KRT3: variants seen among roughly 807,000 people sequenced by gnomAD.
The protein encoded by KRT3 is keratin 3.
A neutral mutation model predicts 45.8 loss-of-function variants in KRT3; 34 were observed. The observed-to-expected ratio is 0.74, with a 90% CI of 0.57 to 0.99. The LOEUF is 0.99. KRT3 is among the 50% of genes least tolerant of loss of function. The probability of loss-of-function intolerance (pLI) is 0.00; values close to 1 mark genes in which losing one functional copy is unlikely to be tolerated. For synonymous variants in KRT3, 367 were observed against 329.0 expected (o/e 1.12, Z -1.25); for missense variants, 828 against 820.6 (o/e 1.01, Z -0.11).
At chr12:52,792,004 AT>A (rs1939521857) in intron 5 of KRT3, among the ~76,000 whole-genome samples, 188 bp from the exon 6 acceptor site, 1 of 152,136 alleles carries the variant, frequency 6.6e-6, no homozygotes, top group Non-Finnish European at 1.5e-5. Context: ...GTGGTAGAAG[AT>A]TTTCCTACCC....
rs375181234 is a variant in KRT3, at chr12:52,791,226, C to A, written c.1515G>T (p.Leu505=). ...LDVEIATYRK[L]LEGEEYRMSG... is the part of the protein sequence containing the mutation. ...CTCACCTGTACTCCTCGCCCTCCAGCAGCTTGCGGTAGGTGGCGATCTCCA... is the reference window on the plus strand; with the variant it reads ...CTCACCTGTACTCCTCGCCCTCCAGAAGCTTGCGGTAGGTGGCGATCTCCA... The change falls in exon 7 of 9, where the codon CTG becomes CTT. Residue 505 remains leucine, a synonymous_variant. Transcript: ENST00000417996. 1.2e-6 allele frequency: 2 copies of A among 1,614,230 alleles called. No individual in the cohort carries two copies. Among genetic ancestry groups the A allele is most frequent in the South Asian group, 1.1e-5 (1 of 91,086 alleles).
At chr12:52,793,295 C>T in intron 2 of KRT3, 72 bp from the exon 3 acceptor site, 2 of 1,059,738 alleles carry the variant, frequency 1.9e-6, no homozygotes, top group Non-Finnish European at 2.8e-6. Context: ...CCCTGGAACT[C>T]TGAAAGTTCA....
intron 7 of KRT3, 29 bp from the exon 8 acceptor site, chr12:52,790,901 C>G: frequency 1.3e-6 from 2 of 1,581,110 alleles, no homozygotes; most frequent in Non-Finnish European, 1.7e-6. Flanking sequence ...GAAAGTGGGC[C>G]CCGTCACAAA....
rs1415903372 is a variant in KRT3 at position 52,795,929 on chromosome 12, A to G, written c.114T>C (p.Ala38=). 1.2e-6 allele frequency: 2 copies of G among 1,613,988 alleles called. No individual in the cohort carries two copies. The highest frequency in any genetic ancestry group is 1.7e-6 in the Non-Finnish European group (2 of 1,180,008). Residue 38 remains alanine, a synonymous_variant, in exon 1 of 9, where the codon GCT becomes GCC. Transcript: ENST00000417996. ...TCCGGAAGCCATAGGCCCCTCCGCC[A>G]GCTCCCCCAGAGTGGGCCACACAGC... The part of the protein sequence containing the change: ...RMSCVAHSGG[A]GGGAYGFRSG...
intron 1 of KRT3, 83 bp from the exon 2 acceptor site, chr12:52,794,414 C>G (rs1266964677): frequency 7.2e-6 from 7 of 973,126 alleles, no homozygotes. Flanking sequence ...GACTAGGTGT[C>G]TATCTCCTGG....
rs1295013003 is a variant in KRT3, at chr12:52,794,114, T to C, written c.863A>G (p.Lys288Arg). Residue 288 changes from lysine (K) to arginine (R), a missense_variant, in exon 2 of 9, where the codon AAG (lysine) becomes AGG (arginine). Transcript: ENST00000417996. ...NMEDLVEDFK[K>R]KYEDEINKRT... is the part of the protein sequence containing the mutation. ...CCACTCCTGCCCTGTCACTCACTTC[T>C]TCTTGAAGTCTTCCACCAGGTCCTC... The C allele has an allele frequency of 6.8e-6, 11 of 1,613,204 alleles. No homozygotes were observed. The highest frequency in any genetic ancestry group is 9.3e-6 in the Non-Finnish European group (11 of 1,179,252).
In KRT3 at chr12:52,793,238, A is replaced by C; in HGVS notation, c.867-15T>G. ...CATCCTCATATCTGTGTGAATAAAAAAGAAACAGCTGAGTTTGGTTTTGAG... is the reference window on the plus strand; with the variant it reads ...CATCCTCATATCTGTGTGAATAAAACAGAAACAGCTGAGTTTGGTTTTGAG... On this transcript the variant is annotated splice_polypyrimidine_tract_variant and intron_variant, in intron 2 of 8. Coordinates refer to ENST00000417996, the MANE Select transcript of KRT3 (RefSeq NM_057088.3). 1.3e-6 allele frequency: 2 copies of C among 1,588,658 alleles called. No individual in the cohort carries two copies. The highest frequency in any genetic ancestry group is 1.7e-6 in the Non-Finnish European group (2 of 1,164,888).
At position 52,791,279 on chromosome 12, in the gene KRT3, G is replaced by T. The variant is rs1175563068; in HGVS notation, c.1462C>A (p.Leu488Met). 6.2e-7 allele frequency: 1 copy of T among 1,614,248 alleles called. No homozygotes were observed. Among genetic ancestry groups the T allele is most frequent in the Non-Finnish European group, 8.5e-7 (1 of 1,180,040 alleles). The change falls in exon 7 of 9, where the codon CTG becomes ATG. Residue 488 changes from leucine to methionine, a missense_variant. Physicochemically the swap from Leu to Met is conservative, Grantham distance 15. Coordinates refer to ENST00000417996, the MANE Select transcript of KRT3 (RefSeq NM_057088.3). ...TCCAGGGCCAGCTTGACATTCATCA[G>T]CTCCTGGTAGTCACGTAGCAGCCGC... Reference protein sequence around the residue: ...LARLLRDYQELMNVKLALDVE... With the variant: ...LARLLRDYQEMMNVKLALDVE...
Position 52,792,476 on chromosome 12 carries a change from G to C in KRT3, c.1024-73C>G. The C allele has an allele frequency of 3.5e-6, 5 of 1,437,508 alleles. No individual in the cohort carries two copies. The South Asian group carries it at 5.8e-5, about 17-fold the overall frequency. The allele number at this position is 1,437,508 out of a possible 1,614,324, so 89.0% of individuals were successfully genotyped here. A position where few individuals can be genotyped will look rare whatever the true frequency, so the allele number is the denominator to read the frequency against. On this transcript the variant is annotated intron_variant, in intron 4 of 8. Coordinates refer to ENST00000417996, the MANE Select transcript of KRT3 (RefSeq NM_057088.3). ...GCACACAGGGCCCTGAAAGACTCTTGATCAACAGTCTCATTCACTGATTCC... is the reference window on the plus strand; with the variant it reads ...GCACACAGGGCCCTGAAAGACTCTTCATCAACAGTCTCATTCACTGATTCC...
At chr12:52,790,578 G>T (rs1939468840) in intron 8 of KRT3, among the ~76,000 whole-genome samples, 1 of 152,200 alleles carries the variant, frequency 6.6e-6, no homozygotes, top group Admixed American at 6.5e-5. Context: ...CAGTCTTGAT[G>T]ACCCCCTTGG....
At position 52,789,723 on chromosome 12, in the gene KRT3, G is replaced by C; in HGVS notation, c.*319C>G. 1.9e-6 allele frequency: 1 copy of C among 525,114 alleles called. No homozygotes were observed. The allele number at this position is 525,114 out of a possible 1,614,324, so 32.5% of individuals were successfully genotyped here. On this transcript the variant is annotated 3_prime_UTR_variant, in exon 9 of 9. Coordinates refer to ENST00000417996, the MANE Select transcript of KRT3 (RefSeq NM_057088.3). ...ACTTTATTGGCGACAGACCGGAGGG[G>C]CGGAGGGGGCTGTGTGCTATATACA...
At chr12:52,793,406 G>A (rs764934809) in intron 2 of KRT3, among the ~76,000 whole-genome samples, 183 bp from the exon 3 acceptor site, 8 of 152,060 alleles carry the variant, frequency 5.3e-5, no homozygotes, top group African/African-American at 9.7e-5. Flanking sequence ...AATTTGCCCA[G>A]GCAAACTGTC....
intron 8 of KRT3, 76 bp from the exon 9 acceptor site, chr12:52,790,434 G>T: frequency 7.1e-7 from 1 of 1,398,824 alleles, no homozygotes; most frequent in Non-Finnish European, 9.6e-7. Context: ...ATGATCCACC[G>T]GGCCCACGAC....
intron 1 of KRT3, 142 bp downstream of exon 1, chr12:52,795,256 G>A (rs10876347): frequency 0.82 from 828,874 of 1,015,050 alleles, 340,391 homozygotes; most frequent in African/African-American, 0.94. Flanking sequence ...CTCAACCCTG[G>A]ATATCTTCCC....
Position 52,795,864 on chromosome 12 carries a change from A to G in KRT3, c.179T>C (p.Leu60Pro). Residue 60 changes from leucine (L) to proline (P), a missense_variant, in exon 1 of 9, where the codon CTG (leucine) becomes CCG (proline). Transcript: ENST00000417996. ...GGFGSRSLYN[L>P]GGNKSISISV... ...GATGGAGATGCTCTTGTTGCCGCCC[A>G]GGTTGTAGAGGCTGCGACTGCCAAA... 1 of 1,614,104 alleles carries G rather than the reference A, an allele frequency of 6.2e-7. No individual in the cohort carries two copies. Among genetic ancestry groups the G allele is most frequent in the Non-Finnish European group, 8.5e-7 (1 of 1,179,998 alleles).
chr12:52,792,443 T>A, intron 4 of KRT3, 40 bp from the exon 5 acceptor site: 1 of 1,600,378 alleles, frequency 6.2e-7, no homozygotes, highest in South Asian at 1.1e-5. Context: ...TTGGGGTCCC[T>A]GTAACAAGCA....
Position 52,794,206 on chromosome 12 carries a change from G to C in KRT3, c.771C>G (p.Tyr257Ter). The C allele has an allele frequency of 6.2e-7, 1 of 1,614,190 alleles. No homozygotes were observed. Among genetic ancestry groups the C allele is most frequent in the Non-Finnish European group, 8.5e-7 (1 of 1,180,024 alleles). Residue 257 changes from tyrosine (Y) to a stop codon, truncating the protein, a stop_gained, in exon 2 of 9, where the codon TAC becomes TAG. Coordinates refer to ENST00000417996, the MANE Select transcript of KRT3 (RefSeq NM_057088.3). LOFTEE classifies it high-confidence loss of function. ...GGATGTTGTCCAGGTAGCTCCGCAG[G>C]TAGTTGATGTGATTCTCAAAAAGAG... ...LEPLFENHIN[Y>*]LRSYLDNILG... is the part of the protein sequence containing the mutation.
At chr12:52,792,565 C>A in intron 4 of KRT3, 146 bp downstream of exon 4, 1 of 952,262 alleles carries the variant, frequency 1.1e-6, no homozygotes, top group South Asian at 1.3e-5. Flanking sequence ...ATGTCTGCAG[C>A]TTATCCTGTG....
chr12:52,793,328 A>G, intron 2 of KRT3, 105 bp from the exon 3 acceptor site: 2 of 737,364 alleles, frequency 2.7e-6, no homozygotes, highest in East Asian at 5.5e-5. Context: ...CTCCATCCCT[A>G]TCCTGCCCCT....
Sources: allele counts gnomAD v4.1 joint callset (sites outside exome capture counted in the v4.1 genomes callset), GRCh38; gene constraint gnomAD v4.1.1; transcripts MANE v1.5; gene names NCBI Gene and HGNC (gene_info 2026-07-23, HGNC 2026-07-21).